The following ATP11C variants were observed in gnomAD, a reference collection of about 807,000 sequenced individuals.
The protein encoded by ATP11C is phospholipid-transporting ATPase IG.
ATP11C carries 36 observed loss-of-function variants against 97.4 expected under a neutral mutation model. The observed-to-expected ratio is 0.37, with a 90% CI of 0.28 to 0.49. ATP11C has a LOEUF of 0.49. Among genes scored for constraint, ATP11C ranks in the 20% least tolerant of loss-of-function variants. The pLI is 0.98. For synonymous variants in ATP11C, 275 were observed against 290.9 expected, an observed-to-expected ratio of 0.95 and a Z score of 0.56; for missense variants, 730 against 824.6, an observed-to-expected ratio of 0.89 and a Z score of 1.40.
intron 22 of ATP11C, among the ~76,000 whole-genome samples, chrX:139,758,498 G>A (rs2081978932): frequency 9.0e-6 from 1 of 111,321 alleles, no homozygotes; most frequent in Non-Finnish European, 1.9e-5. Flanking sequence ...TAGGGCCCGA[G>A]GTCTCTGGTG....
rs2082640613 is a variant in ATP11C, at chrX:139,789,264, C to T, written c.1368+63G>A. The stretch of plus-strand genomic sequence containing the variant: ...GTGTCCACCTAAAAATTATTTTCTA[C>T]TATGGAATGTTAACATGCATACACA... On this transcript the variant is annotated intron_variant, in intron 13 of 29. Transcript: ENST00000682941. 5.5e-6 allele frequency: 5 copies of T among 916,194 alleles called. No individual in the cohort carries two copies. In the Admixed American group the frequency reaches 1.3e-4, roughly 24 times the overall value. 75.5% of individuals were successfully genotyped at this position (916,194 alleles called of 1,213,427 possible). A position where few individuals can be genotyped will look rare whatever the true frequency, so the allele number is the denominator to read the frequency against.
At chrX:139,815,640 A>G (rs1332908177) in intron 4 of ATP11C, among the ~76,000 whole-genome samples, 2 of 112,184 alleles carry the variant, frequency 1.8e-5, no homozygotes, top group African/African-American at 3.2e-5. Context: ...CTTTTCATCT[A>G]AAGTAGATTT....
At chrX:139,927,957 A>G (rs2085378294) in intron 1 of ATP11C, among the ~76,000 whole-genome samples, 1 of 111,879 alleles carries the variant, frequency 8.9e-6, no homozygotes, top group African/African-American at 3.2e-5. Flanking sequence ...CTTTCAAAAA[A>G]TATTTTACTG....
intron 4 of ATP11C, among the ~76,000 whole-genome samples, chrX:139,816,288 C>T (rs1260291877): frequency 1.8e-5 from 2 of 111,342 alleles, no homozygotes; most frequent in Non-Finnish European, 3.8e-5. Context: ...GTTAACCTAC[C>T]CTTTCACCTC....
At chrX:139,747,490 G>T (rs760066229) in intron 24 of ATP11C, among the ~76,000 whole-genome samples, 2 of 111,324 alleles carry the variant, frequency 1.8e-5, no homozygotes, top group African/African-American at 6.5e-5. Flanking sequence ...GCAAAGGCCT[G>T]AGCACCTCCG....
chrX:139,771,043 GTAAC>G (rs1193557104), intron 19 of ATP11C, among the ~76,000 whole-genome samples: 5 of 111,482 alleles, frequency 4.5e-5, no homozygotes, highest in Admixed American at 1.9e-4. Flanking sequence ...GCCCTTGAGA[GTAAC>G]TAACTGATAT....
At chrX:139,828,477 G>C (rs771968004) in intron 1 of ATP11C, among the ~76,000 whole-genome samples, 1 of 110,731 alleles carries the variant, frequency 9.0e-6, no homozygotes, top group South Asian at 4.0e-4. Context: ...AGTTTATCTG[G>C]CTTCACCCCA....
chrX:139,761,867 G>C (rs1410770134), intron 22 of ATP11C, 94 bp downstream of exon 22: 9 of 606,506 alleles, frequency 1.5e-5, no homozygotes, highest in African/African-American at 4.9e-5. Flanking sequence ...ATCAAAAGCA[G>C]CATTAAAAAA....
chrX:139,743,515 A>AC (rs2081615838), intron 26 of ATP11C, 44 bp downstream of exon 26: 1 of 890,284 alleles, frequency 1.1e-6, no homozygotes, highest in Non-Finnish European at 1.6e-6. Flanking sequence ...AGAAAGTATT[A>AC]TAAAAACAGT....
intron 16 of ATP11C, among the ~76,000 whole-genome samples, chrX:139,784,437 A>G (rs927428914): frequency 8.9e-6 from 1 of 111,926 alleles, no homozygotes; most frequent in East Asian, 2.8e-4. Context: ...TCCCATTCTG[A>G]CATTAAGGAA....
At chrX:139,785,023 A>T (rs759496937) in intron 16 of ATP11C, among the ~76,000 whole-genome samples, 2 of 112,033 alleles carry the variant, frequency 1.8e-5, no homozygotes, top group South Asian at 7.6e-4. Flanking sequence ...CTGTCATAAC[A>T]AGGGTTCTGT....
Position 139,789,432 on chromosome X carries a change from G to T in ATP11C, c.1263C>A (p.Phe421Leu), listed in dbSNP as rs1370378925. Residue 421 changes from phenylalanine (F) to leucine (L), a missense_variant, in exon 13 of 30, where the codon TTC becomes TTA. Coordinates refer to ENST00000682941, the MANE Select transcript of ATP11C (RefSeq NM_001353812.2). ...TGTGGCCATCTATGCAGCATTCAAT[G>T]AATTCCATGCTGTTTTCAGTGAGTG... ...TGTLTENSME[F>L]IECCIDGHKY... 1.7e-6 allele frequency: 2 copies of T among 1,203,338 alleles called. No homozygotes were observed. The highest frequency in any genetic ancestry group is 6.0e-5 in the East Asian group (2 of 33,610).
intron 19 of ATP11C, among the ~76,000 whole-genome samples, chrX:139,770,241 C>T (rs752184324): frequency 1.1e-4 from 12 of 111,978 alleles, no homozygotes; most frequent in African/African-American, 3.2e-4. Context: ...TTGATAGAAG[C>T]ATACATGAGA....
chrX:139,735,876 T>C (rs763284052), intron 28 of ATP11C, among the ~76,000 whole-genome samples: 1 of 111,495 alleles, frequency 9.0e-6, no homozygotes, highest in Non-Finnish European at 1.9e-5. Context: ...CTTTCAGACA[T>C]TGGATGTAAA....
chrX:139,896,583 ACACACACAC>A (rs1241278696), intron 1 of ATP11C, among the ~76,000 whole-genome samples: 1 of 105,369 alleles, frequency 9.5e-6, no homozygotes, highest in South Asian at 4.2e-4. Context: ...ACACACACAC[ACACACACAC>A]ACTTTTTTTC....
intron 1 of ATP11C, among the ~76,000 whole-genome samples, chrX:139,846,940 A>T (rs1189915225): frequency 9.1e-6 from 1 of 110,159 alleles, no homozygotes; most frequent in East Asian, 2.8e-4. Context: ...CAAAAAAAAA[A>T]AAAAATTGTG....
intron 26 of ATP11C, among the ~76,000 whole-genome samples, chrX:139,742,884 T>A (rs1236598941): frequency 8.1e-3 from 12 of 1,476 alleles, no homozygotes; most frequent in African/African-American, 0.014. Context: ...AAAATATATA[T>A]ATATATATAT....
chrX:139,740,665 G>C (rs192429067), intron 27 of ATP11C, among the ~76,000 whole-genome samples: 1 of 111,807 alleles, frequency 8.9e-6, no homozygotes, highest in African/African-American at 3.2e-5. Context: ...TTCACAGGAT[G>C]AGTATTTCCT....
chrX:139,803,685 C>CTTTTTTTTTTTTTTTTTTTTTTT lies in ATP11C; in HGVS notation c.555+763_555+785dup, dbSNP rs140315105. 1.0e-4 allele frequency among the ~76,000 whole-genome samples: 4 copies of CTTTTTTTTTTTTTTTTTTTTTTT among 38,259 alleles called. 1 individual carries two copies. The highest frequency in any genetic ancestry group is 7.1e-4 in the Admixed American group (2 of 2,830). The allele number at this position is 38,259 out of a possible 115,157, so 33.2% of individuals were successfully genotyped here. On this transcript the variant is annotated intron_variant, in intron 6 of 29. Coordinates refer to ENST00000682941, the MANE Select transcript of ATP11C (RefSeq NM_001353812.2). ...AAACATTTTCCAAACTACACCCTAT[C>CTTTTTTTTTTTTTTTTTTTTTTT]TTTTTTTTTTTTTTTTTTTTTTTTT... is the stretch of plus-strand genomic sequence containing the variant.
Sources: allele counts gnomAD v4.1 joint callset (sites outside exome capture counted in the v4.1 genomes callset), GRCh38; gene constraint gnomAD v4.1.1; transcripts MANE v1.5; gene names NCBI Gene and HGNC (gene_info 2026-07-23, HGNC 2026-07-21).